Variants in MAP2K1 observed in about 807,000 individuals in gnomAD.
The protein encoded by MAP2K1 is dual specificity mitogen-activated protein kinase kinase 1.
Under a neutral mutation model 46.3 loss-of-function variants are expected in MAP2K1, and 16 were observed. The observed-to-expected ratio is 0.35, with a 90% CI of 0.23 to 0.52. The LOEUF is 0.52. Among genes scored for constraint, MAP2K1 ranks in the 20% least tolerant of loss-of-function variants. The pLI, the probability that MAP2K1 is intolerant of heterozygous loss-of-function variation, is 0.94. For synonymous variants in MAP2K1, 183 were observed against 185.6 expected, an observed-to-expected ratio of 0.99 and a Z score of 0.11; for missense variants, 263 against 497.1, an observed-to-expected ratio of 0.53 and a Z score of 4.48.
chr15:66,389,572 G>GTTTTTTTTTTTTTTTTTTTTTT (rs375412152), intron 1 of MAP2K1, among the ~76,000 whole-genome samples: 1 of 86,962 alleles, frequency 1.1e-5, no homozygotes, highest in Non-Finnish European at 2.2e-5. Context: ...CTCTGTTGTG[G>GTTTTTTTTTTTTTTTTTTTTTT]TTTTTTTTTT....
chr15:66,480,785 C>A (rs1393018430), intron 5 of MAP2K1, among the ~76,000 whole-genome samples: 2 of 152,098 alleles, frequency 1.3e-5, no homozygotes, highest in Non-Finnish European at 2.9e-5. Context: ...ATATGGTCTG[C>A]CCTCAAAGTG....
rs949465115 is a variant in MAP2K1, at chr15:66,491,375, G to A, written c.*760G>A. On this transcript the variant is annotated 3_prime_UTR_variant, in exon 11 of 11. Coordinates refer to ENST00000307102, the MANE Select transcript of MAP2K1 (RefSeq NM_002755.4). ...CACAAATTGATCAAGATATTAAAAT[G>A]TCGGATTTATCTTTCCCCATATCCA... 6 of 232,488 alleles carry A rather than the reference G, an allele frequency of 2.6e-5. No homozygotes were observed. Among genetic ancestry groups the A allele is most frequent in the East Asian group, 6.2e-5 (1 of 16,176 alleles). 14.4% of individuals were successfully genotyped at this position (232,488 alleles called of 1,614,324 possible). A position where few individuals can be genotyped will look rare whatever the true frequency, so the allele number is the denominator to read the frequency against.
chr15:66,467,579 T>A (rs530929886), intron 5 of MAP2K1, among the ~76,000 whole-genome samples: 6 of 152,156 alleles, frequency 3.9e-5, no homozygotes, highest in East Asian at 3.9e-4. Flanking sequence ...CTTTTTTTTT[T>A]AAACAAAGTC....
Position 66,435,216 on chromosome 15 carries a change from T to C in MAP2K1, c.270T>C (p.Ser90=). Residue 90 remains serine (S), a synonymous_variant, in exon 2 of 11, where the codon TCT becomes TCC. Transcript: ENST00000307102. ...GVVFKVSHKP[S]GLVMARKLIH... is the part of the protein sequence containing the mutation. The stretch of plus-strand genomic sequence containing the variant: ...TGTTCAAGGTCTCCCACAAGCCTTC[T>C]GGCCTGGTCATGGCCAGAAAGGTGA... 1 of 1,614,170 alleles carries C rather than the reference T, an allele frequency of 6.2e-7. No homozygotes were observed.
chr15:66,388,495 C>G (rs2093348401), intron 1 of MAP2K1, among the ~76,000 whole-genome samples: 1 of 152,136 alleles, frequency 6.6e-6, no homozygotes, highest in Admixed American at 6.6e-5. Flanking sequence ...GGACCTTATG[C>G]TCTTTGGTGA....
chr15:66,456,528 G>A (rs1038854870), intron 5 of MAP2K1, among the ~76,000 whole-genome samples: 1 of 152,202 alleles, frequency 6.6e-6, no homozygotes, highest in African/African-American at 2.4e-5. Flanking sequence ...TTCCTTTTCA[G>A]TCAGATTCTC....
intron 5 of MAP2K1, 177 bp downstream of exon 5, chr15:66,444,884 T>C: frequency 3.2e-6 from 2 of 621,328 alleles, no homozygotes; most frequent in Admixed American, 2.7e-5. Context: ...TACCCTCTTT[T>C]TGGTCTTGCT....
intron 1 of MAP2K1, among the ~76,000 whole-genome samples, chr15:66,389,329 T>A (rs570814269): frequency 1.8e-4 from 28 of 152,336 alleles, no homozygotes; most frequent in Admixed American, 4.6e-4. Context: ...CATTATCCTT[T>A]CCTATTTGAT....
intron 1 of MAP2K1, among the ~76,000 whole-genome samples, chr15:66,405,047 G>A (rs2093392896): frequency 6.6e-6 from 1 of 152,208 alleles, no homozygotes; most frequent in Middle Eastern, 3.4e-3. Context: ...CATTTATGAA[G>A]GCCTACCTCA....
In MAP2K1 at chr15:66,387,212, G is replaced by A. The variant is rs1289742679; in HGVS notation, c.-136G>A. Reference sequence around the variant, plus strand: ...CTCGGCGCTGACGGGACCGCGCGGGGCGCACCCGCTGAAGGCAGCCCCGGG... The same window carrying A: ...CTCGGCGCTGACGGGACCGCGCGGGACGCACCCGCTGAAGGCAGCCCCGGG... On this transcript the variant is annotated 5_prime_UTR_variant, in exon 1 of 11. Coordinates refer to ENST00000307102, the MANE Select transcript of MAP2K1 (RefSeq NM_002755.4). The A allele has an allele frequency of 6.2e-6, 4 of 641,486 alleles. No homozygotes were observed. The East Asian group carries it at 1.3e-4, about 21-fold the overall frequency. The allele number at this position is 641,486 out of a possible 1,614,324, so 39.7% of individuals were successfully genotyped here. A position where few individuals can be genotyped will look rare whatever the true frequency, so the allele number is the denominator to read the frequency against.
intron 1 of MAP2K1, among the ~76,000 whole-genome samples, chr15:66,408,762 C>G (rs1004656488): frequency 2.0e-5 from 3 of 152,102 alleles, no homozygotes; most frequent in African/African-American, 2.4e-5. Context: ...GTCTCCACCT[C>G]CAATATACGT....
intron 1 of MAP2K1, among the ~76,000 whole-genome samples, chr15:66,428,095 G>A (rs529966779): frequency 6.6e-6 from 1 of 152,180 alleles, no homozygotes; most frequent in South Asian, 2.1e-4. Context: ...TGACTCCCAG[G>A]TTCGGGTCAG....
chr15:66,413,796 G>C (rs1342219859), intron 1 of MAP2K1, among the ~76,000 whole-genome samples: 1 of 152,162 alleles, frequency 6.6e-6, no homozygotes, highest in East Asian at 1.9e-4. Context: ...GAACTCAAAG[G>C]GTGAGTGACT....
intron 1 of MAP2K1, among the ~76,000 whole-genome samples, chr15:66,427,582 C>T (rs552894973): frequency 6.6e-6 from 1 of 151,986 alleles, no homozygotes; most frequent in Non-Finnish European, 1.5e-5. Context: ...ATAATAATAA[C>T]ATTTGATAGT....
At chr15:66,397,973 G>A (rs946715584) in intron 1 of MAP2K1, among the ~76,000 whole-genome samples, 11 of 152,108 alleles carry the variant, frequency 7.2e-5, no homozygotes, top group Admixed American at 1.3e-4. Context: ...GTGGTGGCAC[G>A]TGCCTGTGGT....
chr15:66,484,476 G>A (rs1344668796), intron 6 of MAP2K1, among the ~76,000 whole-genome samples: 6 of 152,184 alleles, frequency 3.9e-5, no homozygotes, highest in Non-Finnish European at 5.9e-5. Flanking sequence ...TATAGATGAG[G>A]CTGATATTCA....
intron 5 of MAP2K1, among the ~76,000 whole-genome samples, chr15:66,448,239 G>A (rs913645869): frequency 7.3e-5 from 11 of 150,836 alleles, no homozygotes. Context: ...CTATGAGTTT[G>A]ACTACTCTAG....
chr15:66,392,255 G>GTTTTTTT (rs58831070), intron 1 of MAP2K1, among the ~76,000 whole-genome samples: 44 of 97,718 alleles, frequency 4.5e-4, no homozygotes, highest in African/African-American at 8.2e-4. Context: ...TTTTTTTTGG[G>GTTTTTTT]TTTTTTTTTT....
At chr15:66,475,178 T>C (rs1042714633) in intron 5 of MAP2K1, among the ~76,000 whole-genome samples, 4 of 152,162 alleles carry the variant, frequency 2.6e-5, no homozygotes, top group African/African-American at 9.7e-5. Context: ...CTTGAGGCCA[T>C]GGATAGCTGG....
Sources: gnomAD v4.1 joint callset for allele counts (sites outside exome capture counted in the v4.1 genomes callset) on GRCh38, gnomAD v4.1.1 for gene constraint, MANE v1.5 for transcripts, NCBI Gene and HGNC (gene_info 2026-07-23, HGNC 2026-07-21) for gene names.